Variants in GON4L observed in about 807,000 individuals in gnomAD.
GON4L encodes GON-4-like protein.
In GON4L, 87 loss-of-function variants were observed where a neutral mutation model predicts 211.8. The ratio of observed to expected loss-of-function variants is 0.41; its 90% CI spans 0.35 to 0.49. GON4L has a LOEUF of 0.49. Ranked by LOEUF, GON4L falls within the 20% of genes least tolerant of loss-of-function variation. GON4L has a pLI of 0.15. For missense variants in GON4L, 2,155 were observed against 2,659.5 expected, an observed-to-expected ratio of 0.81 and a Z score of 4.17; for synonymous variants, 875 against 962.6, an observed-to-expected ratio of 0.91 and a Z score of 1.68.
intron 4 of GON4L, 71 bp from the exon 5 acceptor site, chr1:155,821,619 A>G: frequency 1.1e-6 from 1 of 874,806 alleles, no homozygotes; most frequent in Non-Finnish European, 2.0e-6. Flanking sequence ...CTCTCCATGT[A>G]ACTGTCAGAC....
intron 12 of GON4L, among the ~76,000 whole-genome samples, chr1:155,789,225 A>G (rs1208734652): frequency 6.6e-6 from 1 of 152,196 alleles, no homozygotes; most frequent in Non-Finnish European, 1.5e-5. Context: ...AGGTACACAC[A>G]TGTCAAAATT....
At chr1:155,775,455 A>G (rs930464521) in intron 16 of GON4L, among the ~76,000 whole-genome samples, 39 of 144,954 alleles carry the variant, frequency 2.7e-4, no homozygotes, top group African/African-American at 8.9e-4. Context: ...ATGAGGACTC[A>G]TTTTTTTTTT....
At chr1:155,762,885 A>T (rs184124461) in intron 22 of GON4L, among the ~76,000 whole-genome samples, 401 of 152,060 alleles carry the variant, frequency 2.6e-3, no homozygotes, top group Non-Finnish European at 3.9e-3. Flanking sequence ...AAAATACAAA[A>T]ATTAGCTGGG....
chr1:155,831,909 G>T (rs1251248575), intron 2 of GON4L, among the ~76,000 whole-genome samples: 1 of 151,958 alleles, frequency 6.6e-6, no homozygotes, highest in Non-Finnish European at 1.5e-5. Context: ...TAAAGAAAAG[G>T]TTTAAACACT....
At chr1:155,852,162 CAAAAAAA>C (rs150456648) in intron 2 of GON4L, among the ~76,000 whole-genome samples, 1 of 77,866 alleles carries the variant, frequency 1.3e-5, no homozygotes. Flanking sequence ...GAGACTGTCA[CAAAAAAA>C]AAAAAAAAAA....
At chr1:155,831,993 A>C (rs1250411576) in intron 2 of GON4L, among the ~76,000 whole-genome samples, 1 of 152,104 alleles carries the variant, frequency 6.6e-6, no homozygotes, top group Non-Finnish European at 1.5e-5. Flanking sequence ...AGTGAGCCGA[A>C]ATCACACCAC....
rs76903837 is a variant in GON4L, at chr1:155,769,906, A to G, written c.2646+1161T>C. ...CTTCCTTGGCTTATGGTTAATGGTT[A>G]ATAAATAAGGCCTAAATCCAATATA... On this transcript the variant is annotated intron_variant, in intron 19 of 31. Coordinates refer to ENST00000368331, the MANE Select transcript of GON4L (RefSeq NM_001282860.2). Among the ~76,000 whole-genome samples the G allele has an allele frequency of 4.3e-3, 660 of 151,982 alleles. 12 individuals are homozygous for G. In the East Asian group the frequency reaches 0.049, roughly 11 times the overall value.
rs1393349841 is a variant in GON4L at position 155,762,376 on chromosome 1, T to C, written c.4727-2A>G. 6.2e-7 allele frequency: 1 copy of C among 1,601,524 alleles called. No homozygotes were observed. Among genetic ancestry groups the C allele is most frequent in the Non-Finnish European group, 8.5e-7 (1 of 1,170,730 alleles). ...TTCCAGCAGCTTTGATGCTCTCTCC[T>C]TGTAGCACACATGAAAAGGATTGTT... On this transcript the variant is annotated splice_acceptor_variant, in intron 22 of 31. Transcript: ENST00000368331. LOFTEE classifies it high-confidence loss of function.
At chr1:155,848,198 G>C (rs979275043) in intron 2 of GON4L, among the ~76,000 whole-genome samples, 1 of 152,180 alleles carries the variant, frequency 6.6e-6, no homozygotes, top group African/African-American at 2.4e-5. Flanking sequence ...GCTTGCAAAT[G>C]AATCTTGCAC....
intron 11 of GON4L, among the ~76,000 whole-genome samples, chr1:155,801,063 T>G (rs1030722707): frequency 6.8e-6 from 1 of 147,244 alleles, no homozygotes. Context: ...CCCTACCACG[T>G]TGTGGAAACT....
intron 12 of GON4L, among the ~76,000 whole-genome samples, chr1:155,786,368 T>C (rs1664942736): frequency 6.6e-6 from 1 of 151,650 alleles, no homozygotes; most frequent in South Asian, 2.1e-4. Flanking sequence ...AAACCATATC[T>C]CTACAAAAAA....
intron 2 of GON4L, among the ~76,000 whole-genome samples, chr1:155,840,070 C>T (rs892312015): frequency 6.6e-6 from 1 of 152,168 alleles, no homozygotes; most frequent in Non-Finnish European, 1.5e-5. Flanking sequence ...CAGTCAGATG[C>T]TGAAATATTT....
chr1:155,830,241 A>AATGT (rs1669626884), intron 2 of GON4L, among the ~76,000 whole-genome samples: 1 of 138,340 alleles, frequency 7.2e-6, no homozygotes, highest in Non-Finnish European at 1.6e-5. Flanking sequence ...TGAGCCACGC[A>AATGT]CCCAGCCCTG....
At chr1:155,816,038 G>A in intron 7 of GON4L, 138 bp from the exon 8 acceptor site, 1 of 715,970 alleles carries the variant, frequency 1.4e-6, no homozygotes, top group Non-Finnish European at 2.5e-6. Flanking sequence ...ATAACACGAG[G>A]CAGAGGTTAA....
chr1:155,782,912 G>A (rs1434176079), intron 14 of GON4L, among the ~76,000 whole-genome samples: 9 of 152,024 alleles, frequency 5.9e-5, no homozygotes, highest in Non-Finnish European at 1.2e-4. Flanking sequence ...CCCTGCCTCC[G>A]CCTCCCAAAG....
intron 2 of GON4L, chr1:155,845,270 G>C (rs370159786): frequency 1.2e-5 from 2 of 162,864 alleles, no homozygotes; most frequent in African/African-American, 4.8e-5. Context: ...AGTGACATTC[G>C]GTTGCTCTCA....
At chr1:155,769,552 G>C (rs1012913143) in intron 19 of GON4L, among the ~76,000 whole-genome samples, 1 of 152,098 alleles carries the variant, frequency 6.6e-6, no homozygotes, top group Non-Finnish European at 1.5e-5. Flanking sequence ...TATCTAGAAG[G>C]CCAGACACGC....
chr1:155,785,412 T>TA, intron 12 of GON4L, 38 bp from the exon 13 acceptor site: 1 of 1,416,930 alleles, frequency 7.1e-7, no homozygotes, highest in Non-Finnish European at 1.0e-6. Context: ...TGGTATAAAT[T>TA]AGATTTTACA....
chr1:155,816,480 T>A (rs1370694300), intron 6 of GON4L, among the ~76,000 whole-genome samples: 3 of 152,174 alleles, frequency 2.0e-5, no homozygotes, highest in Non-Finnish European at 4.4e-5. Context: ...CATTTCTGCC[T>A]TACACCTGGT....
Sources: gnomAD v4.1 joint callset for allele counts (sites outside exome capture counted in the v4.1 genomes callset) on GRCh38, gnomAD v4.1.1 for gene constraint, MANE v1.5 for transcripts, NCBI Gene and HGNC (gene_info 2026-07-23, HGNC 2026-07-21) for gene names.